The following CEP164 variants were observed in gnomAD, a reference collection of about 807,000 sequenced individuals.
The protein encoded by CEP164 is centrosomal protein of 164 kDa.
CEP164 carries 162 observed loss-of-function variants against 182.7 expected under a neutral mutation model. The observed-to-expected ratio is 0.89, with a 90% CI of 0.78 to 1.01. The LOEUF is 1.01. Among genes scored for constraint, CEP164 ranks in the 50% least tolerant of loss-of-function variants. The pLI is 0.00. For synonymous variants in CEP164, 661 were observed against 690.0 expected (o/e 0.96, Z 0.66); for missense variants, 1,735 against 1,790.4 (o/e 0.97, Z 0.56).
At chr11:117,364,926 G>C (rs1428156708) in intron 8 of CEP164, among the ~76,000 whole-genome samples, 1 of 152,160 alleles carries the variant, frequency 6.6e-6, no homozygotes, top group Non-Finnish European at 1.5e-5. Context: ...TTTTTTCTAA[G>C]TGTCCCGTTT....
chr11:117,370,118 G>A (rs749496321), intron 8 of CEP164, among the ~76,000 whole-genome samples: 1 of 151,974 alleles, frequency 6.6e-6, no homozygotes. Flanking sequence ...AAAGTCTGGA[G>A]GCTCTGCTCA....
intron 20 of CEP164, 120 bp downstream of exon 20, chr11:117,393,246 A>G (rs1470527419): frequency 5.6e-6 from 8 of 1,424,672 alleles, no homozygotes; most frequent in Non-Finnish European, 6.5e-6. Context: ...GGTCCTTCCC[A>G]CCTGGCTGTG....
chr11:117,342,533 A>G (rs1481396871), intron 3 of CEP164, among the ~76,000 whole-genome samples: 2 of 151,082 alleles, frequency 1.3e-5, no homozygotes, highest in African/African-American at 2.4e-5. Flanking sequence ...CTGGAGTGCA[A>G]TGGTGGGATC....
chr11:117,399,604 T>A (rs2045917095), intron 27 of CEP164, among the ~76,000 whole-genome samples: 3 of 152,232 alleles, frequency 2.0e-5, no homozygotes, highest in Admixed American at 2.0e-4. Flanking sequence ...ACACCAACAG[T>A]GCAAAAGCAT....
intron 1 of CEP164, among the ~76,000 whole-genome samples, chr11:117,322,696 T>C (rs2134521738): frequency 6.6e-6 from 1 of 151,482 alleles, no homozygotes; most frequent in South Asian, 2.1e-4. Context: ...GCTGAGATTA[T>C]AGGCATGTGT....
intron 11 of CEP164, among the ~76,000 whole-genome samples, chr11:117,376,174 G>A (rs1031960329): frequency 3.9e-5 from 6 of 152,138 alleles, no homozygotes; most frequent in African/African-American, 1.4e-4. Context: ...CGCTATTGCT[G>A]GGGCACACTC....
At chr11:117,383,027 G>C in intron 14 of CEP164, 85 bp downstream of exon 14, 1 of 1,471,564 alleles carries the variant, frequency 6.8e-7, no homozygotes, top group African/African-American at 1.4e-5. Flanking sequence ...GTGGTGGGAG[G>C]TGGGGCTCAG....
At chr11:117,378,738 C>T (rs2043006307) in intron 11 of CEP164, among the ~76,000 whole-genome samples, 2 of 152,172 alleles carry the variant, frequency 1.3e-5, no homozygotes, top group Admixed American at 1.3e-4. Flanking sequence ...TCAAGAGGAC[C>T]GTCCATCTGG....
chr11:117,362,622 A>C, intron 7 of CEP164, 84 bp downstream of exon 7: 1 of 1,479,618 alleles, frequency 6.8e-7, no homozygotes, highest in Non-Finnish European at 9.2e-7. Flanking sequence ...GTGATAGAAA[A>C]AATATGTAAC....
At chr11:117,327,250 C>T (rs1198828470), upstream of CEP164, among the ~76,000 whole-genome samples, 4 of 152,028 alleles carry the variant, frequency 2.6e-5, no homozygotes, top group South Asian at 2.1e-4. Flanking sequence ...GGGGAGTGGA[C>T]GCGTCTCCAT....
At position 117,392,246 on chromosome 11, in the gene CEP164, G is replaced by A; in HGVS notation, c.2304G>A (p.Lys768=). The change falls in exon 18 of 33, where the codon AAG becomes AAA. Residue 768 remains lysine (K), a synonymous_variant. Coordinates refer to ENST00000278935, the MANE Select transcript of CEP164 (RefSeq NM_014956.5). ...CCCAGGCTGTGGCAACGCTGGAGAA[G>A]GAGCACAGTGCTGAGCTGGAGCGGC... ...ERKEAVATLE[K]EHSAELERLC... 1 of 1,608,978 alleles carries A rather than the reference G, an allele frequency of 6.2e-7. No homozygotes were observed. The highest frequency in any genetic ancestry group is 1.1e-5 in the South Asian group (1 of 90,586).
chr11:117,342,942 C>T (rs746676086), intron 3 of CEP164, among the ~76,000 whole-genome samples: 2 of 152,082 alleles, frequency 1.3e-5, no homozygotes, highest in Non-Finnish European at 2.9e-5. Flanking sequence ...CCTTGACCTT[C>T]TCAGGCTCAT....
At chr11:117,368,024 A>G (rs1245334883) in intron 8 of CEP164, among the ~76,000 whole-genome samples, 4 of 152,238 alleles carry the variant, frequency 2.6e-5, no homozygotes, top group Admixed American at 6.5e-5. Context: ...CGATCTTTTT[A>G]TGACACACTT....
intron 5 of CEP164, among the ~76,000 whole-genome samples, chr11:117,358,540 C>CTTTTTTTT (rs71961009): frequency 7.7e-6 from 1 of 129,154 alleles, no homozygotes; most frequent in African/African-American, 2.9e-5. Flanking sequence ...CTCCCCCGGC[C>CTTTTTTTT]TTTTTTTTTT....
chr11:117,330,229 A>G (rs1389092093), intron 1 of CEP164, among the ~76,000 whole-genome samples: 3 of 152,126 alleles, frequency 2.0e-5, no homozygotes, highest in Non-Finnish European at 4.4e-5. Context: ...CCTTTAATTC[A>G]TGTAACACAT....
At chr11:117,381,925 T>C in intron 13 of CEP164, 57 bp downstream of exon 13, 1 of 1,418,108 alleles carries the variant, frequency 7.1e-7, no homozygotes, top group Non-Finnish European at 9.3e-7. Context: ...GCTCTGTGTG[T>C]AGTGGGTATG....
intron 8 of CEP164, among the ~76,000 whole-genome samples, chr11:117,370,496 T>C (rs1376661793): frequency 6.6e-6 from 1 of 152,216 alleles, no homozygotes; most frequent in Non-Finnish European, 1.5e-5. Context: ...GACAGAGTTG[T>C]ATCGTCCAGT....
rs2134801009 is a variant in CEP164, at chr11:117,333,881, A to G, written c.-97-1724A>G. On this transcript the variant is annotated intron_variant, in intron 1 of 32. Coordinates refer to ENST00000278935, the MANE Select transcript of CEP164 (RefSeq NM_014956.5). Reference sequence around the variant, plus strand: ...GGCAAGTCTGCATGGCCTGGCTCCCACTGGCCTCCCCAGCATCCTATCCAA... The same window carrying G: ...GGCAAGTCTGCATGGCCTGGCTCCCGCTGGCCTCCCCAGCATCCTATCCAA... Among the ~76,000 whole-genome samples the G allele has an allele frequency of 1.3e-5, 2 of 152,212 alleles. 1 individual carries two copies. The highest frequency in any genetic ancestry group is 4.2e-4 in the South Asian group (2 of 4,812).
intron 1 of CEP164, among the ~76,000 whole-genome samples, chr11:117,329,598 G>A (rs1409471096): frequency 6.6e-6 from 1 of 152,180 alleles, no homozygotes; most frequent in Non-Finnish European, 1.5e-5. Flanking sequence ...CTGGAGTGCA[G>A]TGGTGCGATC....
Sources: gnomAD v4.1 joint callset for allele counts (sites outside exome capture counted in the v4.1 genomes callset) on GRCh38, gnomAD v4.1.1 for gene constraint, MANE v1.5 for transcripts, NCBI Gene and HGNC (gene_info 2026-07-23, HGNC 2026-07-21) for gene names.